MTARC1: variants seen among roughly 807,000 people sequenced by gnomAD.
MTARC1 encodes mitochondrial amidoxime reducing component 1, also known as mitochondrial amidoxime-reducing component 1.
In MTARC1, 24 loss-of-function variants were observed where a neutral mutation model predicts 33.6. The observed-to-expected ratio is 0.72, with a 90% CI of 0.52 to 1.01. The LOEUF (loss-of-function observed/expected upper bound fraction) is 1.01, where lower values mean the gene tolerates loss of function less well. Ranked by LOEUF, MTARC1 falls within the 50% of genes least tolerant of loss-of-function variation. The pLI is 0.00. For synonymous variants in MTARC1, 187 were observed against 189.5 expected, an observed-to-expected ratio of 0.99 and a Z score of 0.11; for missense variants, 417 against 445.7, an observed-to-expected ratio of 0.94 and a Z score of 0.58.
Position 220,801,064 on chromosome 1 carries a change from G to C in MTARC1, c.753+3050G>C, listed in dbSNP as rs551079001. On this transcript the variant is annotated intron_variant, in intron 4 of 6. Transcript: ENST00000366910. ...TGATGTAAGTCACATCATGTGATTT[G>C]TCTGCTCAAAGCCCTCTCATGGTTC... 5.3e-5 allele frequency among the ~76,000 whole-genome samples: 8 copies of C among 152,258 alleles called. No individual in the cohort carries two copies. In the East Asian group the frequency reaches 1.5e-3, roughly 29 times the overall value.
rs770526937 is a variant in MTARC1 at position 220,791,551 on chromosome 1, G to C, written c.336G>C (p.Leu112=). Residue 112 remains leucine, a synonymous_variant, in exon 2 of 7, where the codon CTG becomes CTC. Transcript: ENST00000366910. ...NMVTARQEPR[L]VLISLTCDGD... ...TTACTGCTCGCCAGGAACCTCGCCT[G>C]GTCCTGATTTCCCTGACCTGCGATG... is the stretch of plus-strand genomic sequence containing the variant. The C allele has an allele frequency of 3.1e-6, 5 of 1,614,114 alleles. No homozygotes were observed. In the East Asian group the frequency reaches 8.9e-5, roughly 29 times the overall value.
In MTARC1 at chr1:220,803,636, C is replaced by T. The variant is rs149097053; in HGVS notation, c.754-1416C>T. On this transcript the variant is annotated intron_variant, in intron 4 of 6. Coordinates refer to ENST00000366910, the MANE Select transcript of MTARC1 (RefSeq NM_022746.4). ...TTGTCCTGTTTGAACTGGTCACCTC[C>T]AGGTGCTGTAGGAAGACTTTCCTGG... Among the ~76,000 whole-genome samples the T allele has an allele frequency of 4.6e-5, 7 of 152,260 alleles. No homozygotes were observed. The East Asian group carries it at 1.4e-3, about 29-fold the overall frequency.
At chr1:220,805,484 C>G (rs1672945074) in intron 6 of MTARC1, among the ~76,000 whole-genome samples, 1 of 152,140 alleles carries the variant, frequency 6.6e-6, no homozygotes, top group South Asian at 2.1e-4. Context: ...TTTTATTTTT[C>G]ATTTAGAAAT....
At chr1:220,810,330 C>T (rs1275086828) in intron 6 of MTARC1, among the ~76,000 whole-genome samples, 1 of 152,190 alleles carries the variant, frequency 6.6e-6, no homozygotes, top group Non-Finnish European at 1.5e-5. Flanking sequence ...CCGCTAGTGA[C>T]CTCGTTGAGT....
At chr1:220,789,366 G>T (rs1672351563) in intron 1 of MTARC1, among the ~76,000 whole-genome samples, 1 of 152,114 alleles carries the variant, frequency 6.6e-6, no homozygotes, top group Admixed American at 6.5e-5. Flanking sequence ...TGGCTTCCCT[G>T]GGCCACATTG....
Position 220,796,703 on chromosome 1 carries a change from C to T in MTARC1, c.510C>T (p.Thr170=), listed in dbSNP as rs759647926. 5.0e-6 allele frequency: 8 copies of T among 1,612,846 alleles called. No homozygotes were observed. The South Asian group carries it at 7.7e-5, about 16-fold the overall frequency. ...DCGEATAQWI[T]SFLKSQPYRL... ...GCGAGGCCACCGCCCAGTGGATAAC[C>T]AGCTTCCTGAAGTCACAGCCCTACC... is the stretch of plus-strand genomic sequence containing the variant. Residue 170 remains threonine, a synonymous_variant, in exon 3 of 7, where the codon ACC becomes ACT. Coordinates refer to ENST00000366910, the MANE Select transcript of MTARC1 (RefSeq NM_022746.4).
rs114596331 is a variant in MTARC1, at chr1:220,794,517, T to C, written c.450-2126T>C. Among the ~76,000 whole-genome samples the C allele has an allele frequency of 3.8e-3, 573 of 150,372 alleles. 4 individuals carry two copies. The highest frequency in any genetic ancestry group is 0.013 in the African/African-American group (551 of 41,240). On this transcript the variant is annotated intron_variant, in intron 2 of 6. Coordinates refer to ENST00000366910, the MANE Select transcript of MTARC1 (RefSeq NM_022746.4). ...AAAAATTATTTGGAGCTAAAGCCTG[T>C]GAATAAGAAAACGATAGGATCTTTT...
rs747287637 is a variant in MTARC1, at chr1:220,819,110, G to C, written c.*5692G>C. 1 of 152,212 alleles carries C rather than the reference G, an allele frequency of 6.6e-6. No homozygotes were observed. The highest frequency in any genetic ancestry group is 1.5e-5 in the Non-Finnish European group (1 of 68,050). The allele number at this position is 152,212 out of a possible 1,614,324, so 9.4% of individuals were successfully genotyped here. Reference sequence around the variant, plus strand: ...GGCCAGAGTTGCCAAGACCAAGGCTGTAATGGTTTGTTATGATGACCTTTG... The same window carrying C: ...GGCCAGAGTTGCCAAGACCAAGGCTCTAATGGTTTGTTATGATGACCTTTG... On this transcript the variant is annotated 3_prime_UTR_variant, in exon 7 of 7. Coordinates refer to ENST00000366910, the MANE Select transcript of MTARC1 (RefSeq NM_022746.4).
chr1:220,808,484 C>T (rs1017086704), intron 6 of MTARC1, among the ~76,000 whole-genome samples: 7 of 152,190 alleles, frequency 4.6e-5, no homozygotes, highest in South Asian at 2.1e-4. Context: ...GGTCATAAAT[C>T]GGGAAGAGAA....
chr1:220,801,397 A>G (rs1280162370), intron 4 of MTARC1, among the ~76,000 whole-genome samples: 1 of 151,912 alleles, frequency 6.6e-6, no homozygotes, highest in Non-Finnish European at 1.5e-5. Flanking sequence ...CTCAGGTATC[A>G]GTGTATTGTC....
rs934375327 is a variant in MTARC1, at chr1:220,817,501, T to C, written c.*4083T>C. On this transcript the variant is annotated 3_prime_UTR_variant, in exon 7 of 7. Coordinates refer to ENST00000366910, the MANE Select transcript of MTARC1 (RefSeq NM_022746.4). ...ATTGCTCCATTTTACAGAGTGCTGA[T>C]TGGTCCATTTTACAGAGTGCTGATT... 1.3e-5 allele frequency: 2 copies of C among 152,098 alleles called. No homozygotes were observed. Among genetic ancestry groups the C allele is most frequent in the African/African-American group, 4.8e-5 (2 of 41,418 alleles). 9.4% of individuals were successfully genotyped at this position (152,098 alleles called of 1,614,324 possible). A position where few individuals can be genotyped will look rare whatever the true frequency, so the allele number is the denominator to read the frequency against.
chr1:220,791,667 A>G lies in MTARC1; in HGVS notation c.449+3A>G. The G allele has an allele frequency of 6.2e-7, 1 of 1,613,948 alleles. No homozygotes were observed. The highest frequency in any genetic ancestry group is 8.5e-7 in the Non-Finnish European group (1 of 1,179,842). ...ACAAATGCAGTGCACAAGTGCAGGT[A>G]AGGAAAGGGCAGGTCGTAGCCCTTG... On this transcript the variant is annotated splice_donor_region_variant and intron_variant, in intron 2 of 6. Transcript: ENST00000366910.
chr1:220,800,418 A>AT, intron 4 of MTARC1, among the ~76,000 whole-genome samples: 1 of 151,428 alleles, frequency 6.6e-6, no homozygotes, highest in East Asian at 2.0e-4. Flanking sequence ...CAGATAGTGA[A>AT]AAGTCACAGC....
In MTARC1 at chr1:220,813,485, A is replaced by C. The variant is rs1673204026; in HGVS notation, c.*67A>C. On this transcript the variant is annotated 3_prime_UTR_variant, in exon 7 of 7. Coordinates refer to ENST00000366910, the MANE Select transcript of MTARC1 (RefSeq NM_022746.4). ...TGTTCTCAAAAATGACAACACTTGA[A>C]GCATGGTGTTTCAGAACTGAGACCT... The C allele has an allele frequency of 6.3e-7, 1 of 1,589,178 alleles. No homozygotes were observed. The highest frequency in any genetic ancestry group is 1.1e-5 in the South Asian group (1 of 89,678).
intron 6 of MTARC1, among the ~76,000 whole-genome samples, chr1:220,809,868 G>C (rs548854536): frequency 1.3e-5 from 2 of 152,308 alleles, no homozygotes; most frequent in South Asian, 2.1e-4. Flanking sequence ...GGTGACTTAT[G>C]GTCCCATGAA....
At chr1:220,806,972 T>A (rs947762985) in intron 6 of MTARC1, among the ~76,000 whole-genome samples, 4 of 152,214 alleles carry the variant, frequency 2.6e-5, no homozygotes, top group Non-Finnish European at 5.9e-5. Flanking sequence ...CAGCGTTGGG[T>A]GTGATTTGCA....
chr1:220,809,423 A>T (rs577396370), intron 6 of MTARC1, among the ~76,000 whole-genome samples: 1 of 152,336 alleles, frequency 6.6e-6, no homozygotes, highest in East Asian at 1.9e-4. Flanking sequence ...GAACTTGCCC[A>T]GCGGCCAGCC....
rs541970926 is a variant in MTARC1, at chr1:220,798,853, T to A, written c.753+839T>A. The A allele has an allele frequency of 6.8e-5, 67 of 985,444 alleles. No homozygotes were observed. The African/African-American group carries it at 1.1e-3, about 16-fold the overall frequency. 61.0% of individuals were successfully genotyped at this position (985,444 alleles called of 1,614,324 possible). On this transcript the variant is annotated intron_variant, in intron 4 of 6. Transcript: ENST00000366910. ...ACAGGGAAAAATGGAATCAAAGCAA[T>A]TGAGTTTTAACCTTTTATCCTCAGA...
Position 220,786,972 on chromosome 1 carries a change from G to A in MTARC1, c.28G>A (p.Ala10Thr). MGAAGSSALARFVLLAQSRP... is the reference protein window; with the variant it reads MGAAGSSALTRFVLLAQSRP... ...GGGCGCCGCCGGCTCCTCCGCGCTG[G>A]CGCGCTTTGTCCTCCTCGCGCAATC... Residue 10 changes from alanine (A) to threonine (T), a missense_variant, in exon 1 of 7, where the codon GCG (alanine) becomes ACG (threonine). By Grantham distance (58) the Ala-to-Thr change is moderately conservative. Transcript: ENST00000366910. 2 of 1,252,956 alleles carry A rather than the reference G, an allele frequency of 1.6e-6. No homozygotes were observed. The highest frequency in any genetic ancestry group is 2.0e-6 in the Non-Finnish European group (2 of 1,002,134). The allele number at this position is 1,252,956 out of a possible 1,614,324, so 77.6% of individuals were successfully genotyped here. A position where few individuals can be genotyped will look rare whatever the true frequency, so the allele number is the denominator to read the frequency against.
Sources: allele counts gnomAD v4.1 joint callset (sites outside exome capture counted in the v4.1 genomes callset), GRCh38; gene constraint gnomAD v4.1.1; transcripts MANE v1.5; gene names NCBI Gene and HGNC (gene_info 2026-07-23, HGNC 2026-07-21).